Variants in CA10 observed in about 807,000 individuals in gnomAD.
The protein encoded by CA10 is carbonic anhydrase 10 (inactive), also known as carbonic anhydrase-related protein 10.
CA10 carries 14 observed loss-of-function variants against 44.2 expected under a neutral mutation model. The observed-to-expected ratio is 0.32, with a 90% CI of 0.21 to 0.50. CA10 has a LOEUF of 0.50. CA10 is among the 20% of genes least tolerant of loss of function. CA10 has a pLI of 0.99. For synonymous variants in CA10, 159 were observed against 141.6 expected, an observed-to-expected ratio of 1.12 and a Z score of -0.87; for missense variants, 350 against 409.7, an observed-to-expected ratio of 0.85 and a Z score of 1.26.
At chr17:51,691,314 A>G (rs1001259114) in intron 4 of CA10, among the ~76,000 whole-genome samples, 1 of 152,084 alleles carries the variant, frequency 6.6e-6, no homozygotes, top group Non-Finnish European at 1.5e-5. Context: ...TTTCATTTGC[A>G]TTTGATGATT....
chr17:52,094,680 C>T (rs1217572836), intron 1 of CA10, among the ~76,000 whole-genome samples: 5 of 152,058 alleles, frequency 3.3e-5, no homozygotes, highest in Non-Finnish European at 7.4e-5. Flanking sequence ...CTTGATAGAT[C>T]CTTGATAAAG....
chr17:51,647,209 C>T (rs138021931), intron 6 of CA10, among the ~76,000 whole-genome samples: 2 of 152,324 alleles, frequency 1.3e-5, no homozygotes, highest in East Asian at 3.9e-4. Flanking sequence ...TTGCCACTCC[C>T]TCTGCCCCGT....
In CA10 at chr17:51,845,207, C is replaced by T. The variant is rs543201200; in HGVS notation, c.279+85783G>A. Among the ~76,000 whole-genome samples, 11 of 152,280 alleles carry T rather than the reference C, an allele frequency of 7.2e-5. No individual in the cohort carries two copies. In the East Asian group the frequency reaches 2.1e-3, roughly 29 times the overall value. ...ATACTTTTTTATTGTTTTAAGCCAC[C>T]AGTTTGTGTCACTTTGCTATGGCAG... On this transcript the variant is annotated intron_variant, in intron 3 of 8. Transcript: ENST00000451037.
chr17:51,810,034 G>A (rs951862916), intron 3 of CA10, among the ~76,000 whole-genome samples: 1 of 152,090 alleles, frequency 6.6e-6, no homozygotes, highest in Non-Finnish European at 1.5e-5. Flanking sequence ...CAAAACATGG[G>A]ACAGAATGCT....
At chr17:51,889,949 C>T (rs1173925173) in intron 3 of CA10, among the ~76,000 whole-genome samples, 1 of 152,158 alleles carries the variant, frequency 6.6e-6, no homozygotes, top group Non-Finnish European at 1.5e-5. Flanking sequence ...GTTGGTGTCT[C>T]CCAGTTTGCA....
At chr17:51,957,936 G>T (rs1373172174) in intron 2 of CA10, among the ~76,000 whole-genome samples, 1 of 150,626 alleles carries the variant, frequency 6.6e-6, no homozygotes, top group African/African-American at 2.4e-5. Flanking sequence ...TCCCTCCCTT[G>T]TGTATATTCC....
chr17:51,944,040 T>TA (rs1983183668), intron 2 of CA10, among the ~76,000 whole-genome samples: 1 of 152,194 alleles, frequency 6.6e-6, no homozygotes, highest in Admixed American at 6.5e-5. Flanking sequence ...CCTTTTGTTC[T>TA]AATTCTTCGT....
At chr17:51,944,746 T>C (rs1238244691) in intron 2 of CA10, among the ~76,000 whole-genome samples, 1 of 152,148 alleles carries the variant, frequency 6.6e-6, no homozygotes, top group East Asian at 1.9e-4. Flanking sequence ...AGGTGAATAT[T>C]AACATACATG....
intron 1 of CA10, among the ~76,000 whole-genome samples, chr17:52,123,312 C>T (rs925293236): frequency 3.3e-5 from 5 of 150,318 alleles, no homozygotes. Flanking sequence ...ATAGTAGTAA[C>T]AGGATTACAT....
At chr17:52,060,194 A>C (rs941680109) in intron 2 of CA10, among the ~76,000 whole-genome samples, 1 of 152,204 alleles carries the variant, frequency 6.6e-6, no homozygotes, top group Non-Finnish European at 1.5e-5. Context: ...AGATTAACCA[A>C]GAAAAGCATC....
chr17:51,826,542 A>ATCT (rs1908015817), intron 3 of CA10, among the ~76,000 whole-genome samples: 7 of 152,198 alleles, frequency 4.6e-5, no homozygotes, highest in Admixed American at 3.3e-4. Context: ...GGATTTAATC[A>ATCT]TGCTTAATTC....
chr17:51,820,958 T>G (rs965609789), intron 3 of CA10, among the ~76,000 whole-genome samples: 2 of 151,790 alleles, frequency 1.3e-5, no homozygotes, highest in African/African-American at 2.4e-5. Context: ...CAGGTGGAAC[T>G]CCTTAGTAGA....
At chr17:51,732,041 C>T (rs8067497) in intron 4 of CA10, among the ~76,000 whole-genome samples, 1,930 of 151,896 alleles carry the variant, frequency 0.013, 47 homozygotes, top group African/African-American at 0.044. Context: ...ATTATTATTA[C>T]CATTCTTCTC....
intron 2 of CA10, among the ~76,000 whole-genome samples, chr17:51,981,358 G>A (rs754996568): frequency 3.3e-5 from 5 of 151,946 alleles, no homozygotes; most frequent in East Asian, 1.9e-4. Context: ...AGCAAAGATC[G>A]ATTGACACAT....
At chr17:51,734,705 A>C (rs951628014) in intron 4 of CA10, among the ~76,000 whole-genome samples, 2 of 152,178 alleles carry the variant, frequency 1.3e-5, no homozygotes, top group African/African-American at 2.4e-5. Context: ...GCAGGACCTC[A>C]GGCTGATGGG....
chr17:51,868,516 C>T (rs1979652843), intron 3 of CA10, among the ~76,000 whole-genome samples: 1 of 152,180 alleles, frequency 6.6e-6, no homozygotes, highest in Admixed American at 6.5e-5. Flanking sequence ...TTTTACACTA[C>T]CAACCCTGCC....
intron 3 of CA10, among the ~76,000 whole-genome samples, chr17:51,856,260 C>G (rs1451534272): frequency 6.6e-6 from 1 of 152,084 alleles, no homozygotes; most frequent in Non-Finnish European, 1.5e-5. Context: ...ATAGCAGTGG[C>G]AGAAACTCTG....
At chr17:52,133,221 A>G (rs1359800290) in intron 1 of CA10, among the ~76,000 whole-genome samples, 2 of 152,202 alleles carry the variant, frequency 1.3e-5, no homozygotes, top group African/African-American at 4.8e-5. Flanking sequence ...ATCACAGCCC[A>G]TGGTGCAAAC....
intron 4 of CA10, among the ~76,000 whole-genome samples, chr17:51,704,813 A>C (rs1915710910): frequency 6.6e-6 from 1 of 152,004 alleles, no homozygotes; most frequent in Admixed American, 6.5e-5. Context: ...AAATACAAAA[A>C]TTAGCCGGGT....
Sources: allele counts gnomAD v4.1 joint callset (sites outside exome capture counted in the v4.1 genomes callset), GRCh38; gene constraint gnomAD v4.1.1; transcripts MANE v1.5; gene names NCBI Gene and HGNC (gene_info 2026-07-23, HGNC 2026-07-21).